BICC1: variants seen among roughly 807,000 people sequenced by gnomAD.
BICC1 encodes the protein BicC family RNA binding protein 1.
In BICC1, 43 loss-of-function variants were observed where a neutral mutation model predicts 111.0. The ratio of observed to expected loss-of-function variants is 0.39; its 90% CI spans 0.30 to 0.50. The LOEUF is 0.50. Among genes scored for constraint, BICC1 ranks in the 20% least tolerant of loss-of-function variants. The probability of loss-of-function intolerance (pLI) is 0.88; values close to 1 mark genes in which losing one functional copy is unlikely to be tolerated. For synonymous variants in BICC1, 467 were observed against 434.4 expected, an observed-to-expected ratio of 1.07 and a Z score of -0.93; for missense variants, 1,091 against 1,203.2, an observed-to-expected ratio of 0.91 and a Z score of 1.38.
intron 1 of BICC1, among the ~76,000 whole-genome samples, chr10:58,593,136 C>T (rs10763561): frequency 0.34 from 51,941 of 151,790 alleles, 10,808 homozygotes; most frequent in Admixed American, 0.56. Flanking sequence ...CTGGGAAGTT[C>T]GAACTGGGTG....
intron 2 of BICC1, among the ~76,000 whole-genome samples, chr10:58,671,009 G>A (rs1262878410): frequency 6.6e-6 from 1 of 152,122 alleles, no homozygotes; most frequent in Non-Finnish European, 1.5e-5. Flanking sequence ...GCTCTACGTG[G>A]TTTGCCTTCT....
chr10:58,798,432 C>T lies in BICC1; in HGVS notation c.1400C>T (p.Thr467Ile), dbSNP rs770320223. The change falls in exon 11 of 21, where the codon ACT (threonine) becomes ATT (isoleucine). Residue 467 changes from threonine to isoleucine, a missense_variant. By Grantham distance (89) the Thr-to-Ile change is moderately conservative. Coordinates refer to ENST00000373886, the MANE Select transcript of BICC1 (RefSeq NM_001080512.3). ...LLGPTTLSLN[T>I]STTPNSLLNA... ...GGACCCACCACCTTATCTCTGAACA[C>T]TTCAACAACCCCAAACTCACTCTTG... is the stretch of plus-strand genomic sequence containing the variant. 3 of 1,611,276 alleles carry T rather than the reference C, an allele frequency of 1.9e-6. No individual in the cohort carries two copies.
chr10:58,603,173 C>G (rs1456372187), intron 1 of BICC1, among the ~76,000 whole-genome samples: 1 of 152,164 alleles, frequency 6.6e-6, no homozygotes, highest in Non-Finnish European at 1.5e-5. Context: ...AAATTTGAAT[C>G]TCTTACTTGC....
chr10:58,823,839 G>T, intron 20 of BICC1: 4 of 985,202 alleles, frequency 4.1e-6, no homozygotes, highest in Non-Finnish European at 4.8e-6. Flanking sequence ...CTATAAGTTT[G>T]CCTTTAAATA....
intron 2 of BICC1, among the ~76,000 whole-genome samples, chr10:58,653,771 G>T (rs1442235866): frequency 6.7e-6 from 1 of 148,610 alleles, no homozygotes; most frequent in Non-Finnish European, 1.5e-5. Flanking sequence ...ATGCTGGTGT[G>T]CTGCACCCAC....
At chr10:58,808,590 A>G (rs1288430744) in intron 17 of BICC1, among the ~76,000 whole-genome samples, 1 of 152,182 alleles carries the variant, frequency 6.6e-6, no homozygotes. Flanking sequence ...GACCAGATGT[A>G]TAGCTTTGGT....
intron 3 of BICC1, among the ~76,000 whole-genome samples, chr10:58,738,038 T>G (rs1185453549): frequency 6.6e-6 from 1 of 152,196 alleles, no homozygotes. Context: ...TTCTGTAGGT[T>G]GCCTGTTCAC....
At chr10:58,653,493 C>A (rs187730598) in intron 2 of BICC1, among the ~76,000 whole-genome samples, 1 of 152,132 alleles carries the variant, frequency 6.6e-6, no homozygotes. Flanking sequence ...GTGCACCCCA[C>A]TTCTGAAGAG....
intron 3 of BICC1, among the ~76,000 whole-genome samples, chr10:58,723,334 A>G (rs889118000): frequency 1.3e-5 from 2 of 152,238 alleles, no homozygotes; most frequent in African/African-American, 4.8e-5. Flanking sequence ...GGGATGGATT[A>G]GAGACTCGAA....
chr10:58,520,367 A>G (rs1842356569), intron 1 of BICC1, among the ~76,000 whole-genome samples: 1 of 152,150 alleles, frequency 6.6e-6, no homozygotes, highest in Non-Finnish European at 1.5e-5. Context: ...TTCAATGTCT[A>G]ATCCTTATCG....
At chr10:58,691,649 A>G (rs781466584) in intron 2 of BICC1, among the ~76,000 whole-genome samples, 2 of 152,302 alleles carry the variant, frequency 1.3e-5, no homozygotes, top group South Asian at 4.1e-4. Flanking sequence ...GCTCTTTTAA[A>G]ATGGGTGGAT....
chr10:58,807,174 T>C lies in BICC1; in HGVS notation c.2376+16T>C. 4 of 1,601,546 alleles carry C rather than the reference T, an allele frequency of 2.5e-6. No individual in the cohort carries two copies. Among genetic ancestry groups the C allele is most frequent in the Non-Finnish European group, 3.4e-6 (4 of 1,173,036 alleles). On this transcript the variant is annotated intron_variant, in intron 17 of 20. Transcript: ENST00000373886. Reference sequence around the variant, plus strand: ...CACTTATGAGGTTTGTAGAGTCATGTCCTACTCATTCTTCCTGTCTGTTCT... The same window carrying C: ...CACTTATGAGGTTTGTAGAGTCATGCCCTACTCATTCTTCCTGTCTGTTCT...
intron 2 of BICC1, among the ~76,000 whole-genome samples, chr10:58,662,730 A>G (rs1207090427): frequency 6.6e-6 from 1 of 152,216 alleles, no homozygotes; most frequent in African/African-American, 2.4e-5. Context: ...AGTTTCATAT[A>G]GTTCATCCTA....
chr10:58,793,363 A>C (rs1843239736), intron 8 of BICC1, 121 bp from the exon 9 acceptor site: 1 of 940,650 alleles, frequency 1.1e-6, no homozygotes, highest in Non-Finnish European at 1.6e-6. Context: ...ATTCAGCTTT[A>C]ATACTTCAGT....
At chr10:58,754,046 C>T (rs1842069616) in intron 3 of BICC1, among the ~76,000 whole-genome samples, 1 of 152,162 alleles carries the variant, frequency 6.6e-6, no homozygotes, top group African/African-American at 2.4e-5. Flanking sequence ...TATAAAAAGG[C>T]TACATTCAGC....
chr10:58,609,869 C>T (rs1845359973), intron 1 of BICC1, among the ~76,000 whole-genome samples: 1 of 152,122 alleles, frequency 6.6e-6, no homozygotes, highest in East Asian at 1.9e-4. Context: ...TCTAAAAAAA[C>T]ATTGAAATTA....
At chr10:58,771,221 G>A (rs1026470926) in intron 3 of BICC1, among the ~76,000 whole-genome samples, 2 of 152,176 alleles carry the variant, frequency 1.3e-5, no homozygotes, top group African/African-American at 4.8e-5. Context: ...CTGTGCCAGA[G>A]TCTGAAGGGC....
At chr10:58,644,442 G>A (rs754176267) in intron 2 of BICC1, among the ~76,000 whole-genome samples, 2 of 152,056 alleles carry the variant, frequency 1.3e-5, no homozygotes, top group Non-Finnish European at 2.9e-5. Context: ...TAAAACAATC[G>A]ATCCTTTTCT....
intron 3 of BICC1, among the ~76,000 whole-genome samples, chr10:58,723,155 T>C (rs1564575137): frequency 2.6e-5 from 4 of 152,230 alleles, no homozygotes; most frequent in Admixed American, 2.6e-4. Context: ...AGATCCTCAA[T>C]AAATATTTAT....
Sources: gnomAD v4.1 joint callset for allele counts (sites outside exome capture counted in the v4.1 genomes callset) on GRCh38, gnomAD v4.1.1 for gene constraint, MANE v1.5 for transcripts, NCBI Gene and HGNC (gene_info 2026-07-23, HGNC 2026-07-21) for gene names.